Variants in PIAS1 observed in about 807,000 individuals in gnomAD.
PIAS1 encodes the protein E3 SUMO-protein ligase PIAS1.
PIAS1 carries 6 observed loss-of-function variants against 71.3 expected under a neutral mutation model. The ratio of observed to expected loss-of-function variants is 0.08; its 90% CI spans 0.05 to 0.17. PIAS1 has a LOEUF of 0.17. Among genes scored for constraint, PIAS1 ranks in the 10% least tolerant of loss-of-function variants. The pLI, the probability that PIAS1 is intolerant of heterozygous loss-of-function variation, is 1.00. For missense variants in PIAS1, 555 were observed against 793.6 expected (o/e 0.70, Z 3.61); for synonymous variants, 303 against 292.9 (o/e 1.03, Z -0.35).
intron 13 of PIAS1, chr15:68,184,752 A>G (rs1027127021): frequency 9.1e-5 from 14 of 153,070 alleles, no homozygotes; most frequent in African/African-American, 3.4e-4. Context: ...GGCTGAAAGG[A>G]CTTTCATCCA....
At chr15:68,177,216 T>C (rs546397747) in intron 11 of PIAS1, among the ~76,000 whole-genome samples, 43 of 140,212 alleles carry the variant, frequency 3.1e-4, no homozygotes, top group African/African-American at 1.1e-3. Context: ...GAGGTGGAGG[T>C]TGCAGTGAGC....
intron 7 of PIAS1, among the ~76,000 whole-genome samples, chr15:68,158,478 A>G (rs1322772243): frequency 6.6e-6 from 1 of 152,122 alleles, no homozygotes; most frequent in Non-Finnish European, 1.5e-5. Flanking sequence ...AGCTTCCTGA[A>G]CATACTCCAT....
At chr15:68,179,700 C>T (rs984298651) in intron 11 of PIAS1, among the ~76,000 whole-genome samples, 19 of 150,198 alleles carry the variant, frequency 1.3e-4, no homozygotes, top group African/African-American at 4.2e-4. Flanking sequence ...CTCAGCCTCC[C>T]GAGTAGCTGG....
rs1233664277 is a variant in PIAS1, at chr15:68,134,578, G to GC, written c.470-7362dup. Among the ~76,000 whole-genome samples the GC allele has an allele frequency of 5.4e-5, 2 of 37,374 alleles. 1 individual carries two copies. The highest frequency in any genetic ancestry group is 2.2e-4 in the Non-Finnish European group (2 of 9,078). The allele number at this position is 37,374 out of a possible 152,430, so 24.5% of individuals were successfully genotyped here. A position where few individuals can be genotyped will look rare whatever the true frequency, so the allele number is the denominator to read the frequency against. ...CCAGTAGGGGCGGCCGGGCAGAGGC[G>GC]CCCCCCACCCCCCAGACGGGGCGGC... On this transcript the variant is annotated intron_variant, in intron 2 of 13. Transcript: ENST00000249636.
At chr15:68,065,831 C>T (rs1452220198) in intron 1 of PIAS1, among the ~76,000 whole-genome samples, 5 of 140,822 alleles carry the variant, frequency 3.6e-5, no homozygotes, top group Admixed American at 7.3e-5. Flanking sequence ...GCTTCGAACT[C>T]CTGGGCTCAA....
intron 2 of PIAS1, among the ~76,000 whole-genome samples, chr15:68,104,956 G>T (rs897773075): frequency 2.0e-5 from 3 of 152,138 alleles, no homozygotes; most frequent in African/African-American, 7.2e-5. Context: ...TTTGTCTTTA[G>T]TGCTTTACTT....
At chr15:68,125,134 C>T (rs12323992) in intron 2 of PIAS1, among the ~76,000 whole-genome samples, 58,127 of 151,900 alleles carry the variant, frequency 0.38, 13,299 homozygotes, top group East Asian at 0.8. Context: ...TTTTATTTTC[C>T]CTGTTCTGGT....
intron 2 of PIAS1, among the ~76,000 whole-genome samples, chr15:68,087,641 G>A (rs1045684854): frequency 3.3e-5 from 5 of 152,150 alleles, no homozygotes; most frequent in African/African-American, 1.2e-4. Context: ...GTGTAACGGA[G>A]ACCATGTGTG....
intron 2 of PIAS1, among the ~76,000 whole-genome samples, chr15:68,140,173 T>G (rs1244606545): frequency 6.6e-6 from 1 of 152,146 alleles, no homozygotes; most frequent in Non-Finnish European, 1.5e-5. Context: ...AGAAATAGCC[T>G]TGTTATTTTA....
chr15:68,110,775 A>C (rs537018925), intron 2 of PIAS1, among the ~76,000 whole-genome samples: 3 of 152,244 alleles, frequency 2.0e-5, no homozygotes, highest in Non-Finnish European at 4.4e-5. Flanking sequence ...AATAAATTCT[A>C]TGTAGTTGCA....
intron 1 of PIAS1, among the ~76,000 whole-genome samples, chr15:68,074,597 C>G (rs1028582167): frequency 1.3e-5 from 2 of 152,176 alleles, no homozygotes; most frequent in South Asian, 4.1e-4. Flanking sequence ...TTCTTTTTGA[C>G]TGATTATGAT....
chr15:68,180,739 ACT>A (rs1208853078), intron 11 of PIAS1, among the ~76,000 whole-genome samples: 1 of 152,136 alleles, frequency 6.6e-6, no homozygotes, highest in African/African-American at 2.4e-5. Flanking sequence ...CCAGCTGGTA[ACT>A]CCGAACCACT....
chr15:68,107,754 A>G (rs2092484542), intron 2 of PIAS1, among the ~76,000 whole-genome samples: 1 of 152,122 alleles, frequency 6.6e-6, no homozygotes, highest in South Asian at 2.1e-4. Flanking sequence ...GCTGATGGTA[A>G]ATACTTATGC....
intron 1 of PIAS1, among the ~76,000 whole-genome samples, chr15:68,085,327 A>T (rs959794019): frequency 2.6e-5 from 4 of 152,156 alleles, no homozygotes; most frequent in Non-Finnish European, 5.9e-5. Context: ...ATTTTCCACC[A>T]CTTTAAAATG....
intron 2 of PIAS1, among the ~76,000 whole-genome samples, chr15:68,125,533 A>G (rs1283653983): frequency 6.6e-6 from 1 of 152,180 alleles, no homozygotes; most frequent in Non-Finnish European, 1.5e-5. Flanking sequence ...TAAATAAAGC[A>G]TGCCTGAAAA....
intron 11 of PIAS1, among the ~76,000 whole-genome samples, chr15:68,177,719 C>T (rs1303878260): frequency 6.6e-6 from 1 of 152,210 alleles, no homozygotes; most frequent in African/African-American, 2.4e-5. Context: ...AAGTAGCATA[C>T]TCCAACTATA....
Position 68,070,529 on chromosome 15 carries a change from C to T in PIAS1, c.25-15777C>T, listed in dbSNP as rs184052878. On this transcript the variant is annotated intron_variant, in intron 1 of 13. Transcript: ENST00000249636. ...CAAGGCAGGTACTAAAACTTTACTT[C>T]AGTGAATGACAGGATGACCTAGAAG... 1.7e-3 allele frequency among the ~76,000 whole-genome samples: 252 copies of T among 152,212 alleles called. 1 individual carries two copies. Among genetic ancestry groups the T allele is most frequent in the African/African-American group, 5.9e-3 (245 of 41,512 alleles).
chr15:68,148,045 G>A (rs1197104269), intron 6 of PIAS1, among the ~76,000 whole-genome samples: 1 of 152,146 alleles, frequency 6.6e-6, no homozygotes, highest in Admixed American at 6.5e-5. Flanking sequence ...ATTTTCATGA[G>A]GCCTGTGATG....
intron 1 of PIAS1, among the ~76,000 whole-genome samples, chr15:68,056,696 C>T (rs2091900130): frequency 6.6e-6 from 1 of 151,980 alleles, no homozygotes; most frequent in South Asian, 2.1e-4. Context: ...GTTAGATTTG[C>T]TGTTCTTTTT....
Sources: gnomAD v4.1 joint callset for allele counts (sites outside exome capture counted in the v4.1 genomes callset) on GRCh38, gnomAD v4.1.1 for gene constraint, MANE v1.5 for transcripts, NCBI Gene and HGNC (gene_info 2026-07-23, HGNC 2026-07-21) for gene names.